Variants in CACNA2D3 observed in about 807,000 individuals in gnomAD.
The protein encoded by CACNA2D3 is voltage-dependent calcium channel subunit alpha-2/delta-3.
A neutral mutation model predicts 160.6 loss-of-function variants in CACNA2D3; 60 were observed. That is an observed-to-expected ratio of 0.37 (90% CI 0.30 to 0.46). The LOEUF (loss-of-function observed/expected upper bound fraction) is 0.46, where lower values mean the gene tolerates loss of function less well. CACNA2D3 is among the 20% of genes least tolerant of loss of function. The probability of loss-of-function intolerance (pLI) is 1.00; values close to 1 mark genes in which losing one functional copy is unlikely to be tolerated. For missense variants in CACNA2D3, 1,205 were observed against 1,365.0 expected (o/e 0.88, Z 1.85); for synonymous variants, 558 against 492.9 (o/e 1.13, Z -1.75).
At chr3:54,161,513 A>G (rs1319100538) in intron 2 of CACNA2D3, among the ~76,000 whole-genome samples, 2 of 152,268 alleles carry the variant, frequency 1.3e-5, no homozygotes, top group Non-Finnish European at 2.9e-5. Flanking sequence ...TTGCTTCTGC[A>G]TATGAATTAG....
chr3:54,807,133 C>A (rs1024260302), intron 13 of CACNA2D3, among the ~76,000 whole-genome samples: 1 of 152,188 alleles, frequency 6.6e-6, no homozygotes, highest in East Asian at 1.9e-4. Context: ...CCATTCAGGA[C>A]ATAGGCATGG....
At chr3:54,931,298 T>C (rs79766645) in intron 27 of CACNA2D3, among the ~76,000 whole-genome samples, 4,774 of 152,120 alleles carry the variant, frequency 0.031, 217 homozygotes, top group African/African-American at 0.11. Context: ...CTGACCCCAA[T>C]TGGGGGTTAA....
At chr3:54,153,492 C>T (rs75586874) in intron 2 of CACNA2D3, among the ~76,000 whole-genome samples, 4 of 152,120 alleles carry the variant, frequency 2.6e-5, no homozygotes, top group South Asian at 2.1e-4. Flanking sequence ...TGTTAGGCAC[C>T]GTGCTCATGT....
At chr3:54,299,795 A>G (rs1703433815) in intron 2 of CACNA2D3, among the ~76,000 whole-genome samples, 1 of 152,218 alleles carries the variant, frequency 6.6e-6, no homozygotes, top group Non-Finnish European at 1.5e-5. Context: ...GTGAATTAAC[A>G]CATCGATTTT....
At chr3:54,935,097 T>G (rs996895711) in intron 27 of CACNA2D3, among the ~76,000 whole-genome samples, 2 of 152,220 alleles carry the variant, frequency 1.3e-5, no homozygotes, top group African/African-American at 4.8e-5. Flanking sequence ...ATGAGAAGAC[T>G]GCACGTGATT....
intron 2 of CACNA2D3, among the ~76,000 whole-genome samples, chr3:54,258,889 C>T (rs146508514): frequency 4.1e-4 from 63 of 152,216 alleles, no homozygotes; most frequent in African/African-American, 1.4e-3. Context: ...AGGAAGATTC[C>T]GTATTACTCA....
At chr3:54,615,801 G>C (rs1698837099) in intron 9 of CACNA2D3, among the ~76,000 whole-genome samples, 1 of 152,188 alleles carries the variant, frequency 6.6e-6, no homozygotes. Flanking sequence ...TGGTCTGTTA[G>C]GAACCAGGCT....
At chr3:54,221,117 C>A (rs1315878020) in intron 2 of CACNA2D3, among the ~76,000 whole-genome samples, 3 of 152,208 alleles carry the variant, frequency 2.0e-5, no homozygotes, top group Admixed American at 1.3e-4. Context: ...ATTTTCACAA[C>A]CACCCCAAGA....
intron 12 of CACNA2D3, among the ~76,000 whole-genome samples, chr3:54,762,719 C>T (rs376902485): frequency 3.3e-5 from 5 of 152,308 alleles, no homozygotes; most frequent in African/African-American, 7.2e-5. Flanking sequence ...AACATAGCAG[C>T]GCCCTGGAAC....
At chr3:54,681,443 C>A (rs1700349064) in intron 11 of CACNA2D3, among the ~76,000 whole-genome samples, 1 of 143,370 alleles carries the variant, frequency 7.0e-6, no homozygotes, top group Non-Finnish European at 1.5e-5. Flanking sequence ...GTAGTCCCAG[C>A]TACTTGGGAG....
chr3:54,565,893 C>G (rs544781596), intron 6 of CACNA2D3, among the ~76,000 whole-genome samples: 94 of 152,298 alleles, frequency 6.2e-4, no homozygotes, highest in African/African-American at 2.0e-3. Flanking sequence ...CTTTCAACTC[C>G]TGTCTCCTCT....
intron 25 of CACNA2D3, 132 bp downstream of exon 25, chr3:54,891,582 T>G: frequency 4.3e-6 from 3 of 701,858 alleles, no homozygotes; most frequent in Non-Finnish European, 7.3e-6. Flanking sequence ...CTATTGAGAT[T>G]TTTCCTCTCT....
At chr3:54,717,991 A>G (rs947263467) in intron 11 of CACNA2D3, among the ~76,000 whole-genome samples, 5 of 152,174 alleles carry the variant, frequency 3.3e-5, no homozygotes, top group Admixed American at 2.6e-4. Context: ...TTAGAAATGT[A>G]TATGAAATAC....
chr3:54,250,641 G>C (rs933641448), intron 2 of CACNA2D3, among the ~76,000 whole-genome samples: 3 of 152,116 alleles, frequency 2.0e-5, no homozygotes, highest in African/African-American at 7.2e-5. Context: ...TAGACTTGTT[G>C]CCCTGGCTGG....
At chr3:54,741,881 T>A (rs987051171) in intron 11 of CACNA2D3, among the ~76,000 whole-genome samples, 1 of 151,786 alleles carries the variant, frequency 6.6e-6, no homozygotes, top group African/African-American at 2.4e-5. Context: ...TTTTATTTTT[T>A]AATTTATTTA....
At chr3:55,057,214 C>T (rs946909720) in intron 35 of CACNA2D3, among the ~76,000 whole-genome samples, 6 of 152,112 alleles carry the variant, frequency 3.9e-5, no homozygotes, top group African/African-American at 1.4e-4. Flanking sequence ...CACGTGGAAC[C>T]GTGAGTCAAT....
intron 11 of CACNA2D3, among the ~76,000 whole-genome samples, chr3:54,748,200 C>A (rs1701791048): frequency 6.6e-6 from 1 of 152,082 alleles, no homozygotes; most frequent in African/African-American, 2.4e-5. Context: ...TGCAATTGCC[C>A]CATATAACTC....
intron 11 of CACNA2D3, among the ~76,000 whole-genome samples, chr3:54,682,638 A>C (rs893178843): frequency 6.6e-6 from 1 of 151,572 alleles, no homozygotes. Flanking sequence ...TTAATAAGGA[A>C]TAGAATTAAA....
chr3:54,329,381 G>A (rs1704193928), intron 3 of CACNA2D3, among the ~76,000 whole-genome samples: 1 of 152,118 alleles, frequency 6.6e-6, no homozygotes, highest in South Asian at 2.1e-4. Context: ...GGGTGATATG[G>A]ATGGTATGGG....
Sources: gnomAD v4.1 joint callset for allele counts (sites outside exome capture counted in the v4.1 genomes callset) on GRCh38, gnomAD v4.1.1 for gene constraint, MANE v1.5 for transcripts, NCBI Gene and HGNC (gene_info 2026-07-23, HGNC 2026-07-21) for gene names.